DICER1: variants seen among roughly 807,000 people sequenced by gnomAD.
DICER1 encodes the protein dicer 1, ribonuclease III, also known as endoribonuclease Dicer.
DICER1 carries 43 observed loss-of-function variants against 194.1 expected under a neutral mutation model. The ratio of observed to expected loss-of-function variants is 0.22; its 90% CI spans 0.17 to 0.29. DICER1 has a LOEUF of 0.29. Ranked by LOEUF, DICER1 falls within the 10% of genes least tolerant of loss-of-function variation. The pLI, the probability that DICER1 is intolerant of heterozygous loss-of-function variation, is 1.00. For missense variants in DICER1, 1,608 were observed against 2,317.0 expected (o/e 0.69, Z 6.28); for synonymous variants, 832 against 820.5 (o/e 1.01, Z -0.24).
rs2140289091 is a variant in DICER1 at position 95,132,657 on chromosome 14, A to G, written c.165T>C (p.Ala55=). 3 of 1,613,982 alleles carry G rather than the reference A, an allele frequency of 1.9e-6. No homozygotes were observed. Among genetic ancestry groups the G allele is most frequent in the South Asian group, 1.1e-5 (1 of 91,080 alleles). Residue 55 remains alanine, a synonymous_variant, in exon 3 of 27, where the codon GCT becomes GCC. Transcript: ENST00000343455. Reference sequence around the variant, plus strand: ...AACAGACGATGGTATTATGATCCAGAGCTGCTTCAAGCAGTTCAACCTAGA... The same window carrying G: ...AACAGACGATGGTATTATGATCCAGGGCTGCTTCAAGCAGTTCAACCTAGA... ...RKYQVELLEA[A]LDHNTIVCLN... is the part of the protein sequence containing the mutation.
intron 14 of DICER1, 87 bp from the exon 15 acceptor site, chr14:95,108,590 C>T: frequency 8.0e-7 from 1 of 1,246,864 alleles, no homozygotes; most frequent in Non-Finnish European, 1.2e-6. Context: ...TTAATTCTGG[C>T]TTTACTAAAA....
chr14:95,145,197 A>G (rs954672247), intron 1 of DICER1, among the ~76,000 whole-genome samples: 1 of 152,160 alleles, frequency 6.6e-6, no homozygotes, highest in African/African-American at 2.4e-5. Flanking sequence ...TTCCCCTGTT[A>G]ATGTCTTTTG....
At chr14:95,153,211 C>T (rs888070298) in intron 1 of DICER1, among the ~76,000 whole-genome samples, 55 of 141,644 alleles carry the variant, frequency 3.9e-4, no homozygotes, top group Non-Finnish European at 7.5e-4. Context: ...AGTGAGACTC[C>T]GTCTCAAAAA....
In DICER1 at chr14:95,087,382, G is replaced by C. The variant is rs1005983613; in HGVS notation, c.*3116C>G. ...AAACATTTTAAAAACATAATTAAGA[G>C]TTCAGTTAACAAATCTGTTTCATAC... On this transcript the variant is annotated 3_prime_UTR_variant, in exon 27 of 27. Coordinates refer to ENST00000343455, the MANE Select transcript of DICER1 (RefSeq NM_177438.3). 6 of 233,148 alleles carry C rather than the reference G, an allele frequency of 2.6e-5. No homozygotes were observed. Among genetic ancestry groups the C allele is most frequent in the African/African-American group, 1.3e-4 (6 of 45,310 alleles). The allele number at this position is 233,148 out of a possible 1,614,324, so 14.4% of individuals were successfully genotyped here. A position where few individuals can be genotyped will look rare whatever the true frequency, so the allele number is the denominator to read the frequency against.
Position 95,121,766 on chromosome 14 carries a change from T to A in DICER1, c.1376+2430A>T, listed in dbSNP as rs114169850. Among the ~76,000 whole-genome samples, 4 of 152,320 alleles carry A rather than the reference T, an allele frequency of 2.6e-5. No homozygotes were observed. The East Asian group carries it at 7.7e-4, about 29-fold the overall frequency. ...AAAGAACATCTACTTTCCTCCCCTA[T>A]GGAGTGTTGTGAATATGTCTTAAAT... On this transcript the variant is annotated intron_variant, in intron 8 of 26. Transcript: ENST00000343455.
chr14:95,133,293 G>A (rs1894111320), intron 2 of DICER1, 22 bp downstream of exon 2: 3 of 1,612,234 alleles, frequency 1.9e-6, no homozygotes, highest in Non-Finnish European at 2.5e-6. Context: ...GAATGCTCCA[G>A]TATTAGTGTT....
chr14:95,154,183 T>C (rs984756132), intron 1 of DICER1, among the ~76,000 whole-genome samples: 1 of 152,198 alleles, frequency 6.6e-6, no homozygotes, highest in Non-Finnish European at 1.5e-5. Context: ...ACCAAGATCG[T>C]AAAAAGGAGT....
Position 95,090,456 on chromosome 14 carries a change from T to G in DICER1, c.*42A>C. 6.2e-7 allele frequency: 1 copy of G among 1,605,708 alleles called. No individual in the cohort carries two copies. Among genetic ancestry groups the G allele is most frequent in the Non-Finnish European group, 8.5e-7 (1 of 1,174,030 alleles). ...CGATTTAAATAATTTTCCCCTTAATTTTTTTTGTTTTGTTTCTTGTTTTGA... is the reference window on the plus strand; with the variant it reads ...CGATTTAAATAATTTTCCCCTTAATGTTTTTTGTTTTGTTTCTTGTTTTGA... On this transcript the variant is annotated 3_prime_UTR_variant, in exon 27 of 27. Coordinates refer to ENST00000343455, the MANE Select transcript of DICER1 (RefSeq NM_177438.3).
intron 8 of DICER1, among the ~76,000 whole-genome samples, chr14:95,119,933 T>C (rs535815891): frequency 1.3e-5 from 2 of 152,330 alleles, no homozygotes; most frequent in South Asian, 2.1e-4. Context: ...CACCAATTCA[T>C]AGCCTATACT....
chr14:95,126,739 A>T lies in DICER1; in HGVS notation c.744T>A (p.Ser248=), dbSNP rs1595448435. Reference sequence around the variant, plus strand: ...AATCCACCACAATCTCACATGGCTGAGAAGTATACCTTTAACATAAGAAAC... The same window carrying T: ...AATCCACCACAATCTCACATGGCTGTGAAGTATACCTTTAACATAAGAAAC... ...TDLVVLDRYT[S]QPCEIVVDCG... Residue 248 remains serine (S), a synonymous_variant, in exon 7 of 27, where the codon TCT becomes TCA. Coordinates refer to ENST00000343455, the MANE Select transcript of DICER1 (RefSeq NM_177438.3). 10 of 1,608,222 alleles carry T rather than the reference A, an allele frequency of 6.2e-6. No individual in the cohort carries two copies. Among genetic ancestry groups the T allele is most frequent in the Non-Finnish European group, 8.5e-6 (10 of 1,175,132 alleles).
At chr14:95,117,846 A>T in intron 8 of DICER1, 92 bp from the exon 9 acceptor site, 1 of 1,290,562 alleles carries the variant, frequency 7.7e-7, no homozygotes. Context: ...AAGTACATGC[A>T]TTTTTTGCAA....
chr14:95,114,680 T>C (rs1892280134), intron 11 of DICER1, among the ~76,000 whole-genome samples: 1 of 152,126 alleles, frequency 6.6e-6, no homozygotes. Flanking sequence ...GAAAGGGAAC[T>C]TTACAGTAGA....
chr14:95,090,924 A>T, intron 26 of DICER1, 110 bp downstream of exon 26: 1 of 1,110,482 alleles, frequency 9.0e-7, no homozygotes, highest in Non-Finnish European at 1.3e-6. Flanking sequence ...TGACAACAGC[A>T]CACCACAGTG....
At position 95,124,540 on chromosome 14, in the gene DICER1, A is replaced by C. The variant is rs1161765608; in HGVS notation, c.1032T>G (p.Phe344Leu). ...TTAGGAAAGTGTCTGTAAACAATAA[A>C]AATTTCCTGTGCAGCTCCTCTTGCT... ...KHEQEELHRK[F>L]LLFTDTFLRK... The change falls in exon 8 of 27, where the codon TTT (phenylalanine) becomes TTG (leucine). Residue 344 changes from phenylalanine (F) to leucine (L), a missense_variant. By Grantham distance (22) the Phe-to-Leu change is conservative (BLOSUM62 0). Around this residue, in one of 10 missense-constraint regions of DICER1, gnomAD observed 657 missense variants for 910.1 expected, o/e 0.72. Coordinates refer to ENST00000343455, the MANE Select transcript of DICER1 (RefSeq NM_177438.3). This position sits in a 1 kb window ranked among gnomAD's most constrained non-coding sequence, Gnocchi z 4.5. The C allele has an allele frequency of 6.2e-7, 1 of 1,613,942 alleles. No individual in the cohort carries two copies. Among genetic ancestry groups the C allele is most frequent in the Non-Finnish European group, 8.5e-7 (1 of 1,180,010 alleles).
At position 95,105,414 on chromosome 14, in the gene DICER1, A is replaced by G. The variant is rs922237935; in HGVS notation, c.3094-168T>C. On this transcript the variant is annotated intron_variant, in intron 19 of 26. Transcript: ENST00000343455. This position sits in a 1 kb window ranked among gnomAD's most constrained non-coding sequence, Gnocchi z 4.9. The stretch of plus-strand genomic sequence containing the variant: ...TCTAAGGCCAAATGGGATTTATCAA[A>G]GGATTTATGAGAATGATTTTGTGAT... Among the ~76,000 whole-genome samples the G allele has an allele frequency of 4.6e-5, 7 of 152,364 alleles. No homozygotes were observed. The highest frequency in any genetic ancestry group is 1.7e-4 in the African/African-American group (7 of 41,592).
At chr14:95,111,648 A>G (rs1158693809) in intron 13 of DICER1, among the ~76,000 whole-genome samples, 192 bp from the exon 14 acceptor site, 1 of 152,204 alleles carries the variant, frequency 6.6e-6, no homozygotes, top group African/African-American at 2.4e-5. Flanking sequence ...ATATTCCAAT[A>G]TGAGCTGGAC....
chr14:95,110,239 C>T (rs896969750), intron 14 of DICER1, among the ~76,000 whole-genome samples: 1 of 152,038 alleles, frequency 6.6e-6, no homozygotes, highest in Non-Finnish European at 1.5e-5. Flanking sequence ...TGAATAAAAA[C>T]AAGGAAGATG....
At chr14:95,149,234 A>G (rs796721875) in intron 1 of DICER1, among the ~76,000 whole-genome samples, 13 of 152,360 alleles carry the variant, frequency 8.5e-5, no homozygotes, top group African/African-American at 3.1e-4. Flanking sequence ...TAAATACTAA[A>G]GGGAGGTCAA....
chr14:95,152,027 G>A (rs1367874639), intron 1 of DICER1, among the ~76,000 whole-genome samples: 2 of 152,132 alleles, frequency 1.3e-5, no homozygotes, highest in East Asian at 1.9e-4. Context: ...AGTACAACCG[G>A]TTTGTTTTCT....
Sources: allele counts gnomAD v4.1 joint callset (sites outside exome capture counted in the v4.1 genomes callset), GRCh38; gene constraint gnomAD v4.1.1; regional missense constraint gnomAD v4.1.1; non-coding constraint Gnocchi (gnomAD v3.1); transcripts MANE v1.5; gene names NCBI Gene and HGNC (gene_info 2026-07-23, HGNC 2026-07-21).